The following ANKMY2 variants were observed in gnomAD, a reference collection of about 807,000 sequenced individuals.
ANKMY2 encodes ankyrin repeat and MYND domain-containing protein 2.
ANKMY2 carries 36 observed loss-of-function variants against 50.4 expected under a neutral mutation model. That is an observed-to-expected ratio of 0.71 (90% CI 0.55 to 0.94). ANKMY2 has a LOEUF of 0.94. Among genes scored for constraint, ANKMY2 ranks in the 40% least tolerant of loss-of-function variants. ANKMY2 has a pLI of 0.00. For missense variants in ANKMY2, 565 were observed against 524.0 expected (o/e 1.08, Z -0.76); for synonymous variants, 187 against 178.8 (o/e 1.05, Z -0.36).
At position 16,604,826 on chromosome 7, in the gene ANKMY2, G is replaced by A. The variant is rs778869600; in HGVS notation, c.906C>T (p.Ser302=). Residue 302 remains serine, a synonymous_variant, in exon 8 of 10, where the codon TCC becomes TCT. Transcript: ENST00000306999. ...VEIGSDPTAF[S]VLTQAITGQV... ...GGCCAGTGATGGCTTGGGTAAGGAC[G>A]GAGAATGCAGTGGGATCAGAACCCT... 75 of 1,613,338 alleles carry A rather than the reference G, an allele frequency of 4.6e-5. 1 individual carries two copies. The Middle Eastern group carries it at 1.3e-3, about 28-fold the overall frequency.
chr7:16,622,750 G>A (rs71530641), intron 4 of ANKMY2, among the ~76,000 whole-genome samples: 42 of 133,614 alleles, frequency 3.1e-4, no homozygotes, highest in African/African-American at 8.8e-4. Context: ...AAAAATAAAT[G>A]AATAAATAAA....
At position 16,604,078 on chromosome 7, in the gene ANKMY2, A is replaced by T. The variant is rs1486300640; in HGVS notation, c.1011+643T>A. Among the ~76,000 whole-genome samples the T allele has an allele frequency of 2.0e-5, 3 of 152,252 alleles. No individual in the cohort carries two copies. In the East Asian group the frequency reaches 5.8e-4, roughly 29 times the overall value. On this transcript the variant is annotated intron_variant, in intron 8 of 9. Coordinates refer to ENST00000306999, the MANE Select transcript of ANKMY2 (RefSeq NM_020319.3). ...CTGAAGAAGTAGGTCACAGCAGATT[A>T]TAATGGGTTTCATACAACATGCTGG... is the stretch of plus-strand genomic sequence containing the variant.
chr7:16,636,728 G>T (rs1423930895), intron 1 of ANKMY2, among the ~76,000 whole-genome samples: 1 of 151,938 alleles, frequency 6.6e-6, no homozygotes, highest in African/African-American at 2.4e-5. Context: ...CCTTTTGGCG[G>T]TAATACAATA....
At chr7:16,605,729 C>T (rs1296135562) in intron 7 of ANKMY2, among the ~76,000 whole-genome samples, 1 of 135,520 alleles carries the variant, frequency 7.4e-6, no homozygotes, top group Non-Finnish European at 1.5e-5. Flanking sequence ...GTCGCCCAGG[C>T]TAGAGTGCAG....
intron 3 of ANKMY2, 96 bp from the exon 4 acceptor site, chr7:16,625,177 G>A (rs1781492576): frequency 2.3e-6 from 2 of 872,908 alleles, no homozygotes; most frequent in East Asian, 2.6e-5. Flanking sequence ...CCCCCAGTTA[G>A]TTTTAGGTTT....
chr7:16,628,212 C>T (rs936295742), intron 2 of ANKMY2, among the ~76,000 whole-genome samples: 10 of 152,190 alleles, frequency 6.6e-5, no homozygotes, highest in Non-Finnish European at 1.5e-4. Flanking sequence ...CTCTGTAAAA[C>T]ATATAATCCG....
intron 4 of ANKMY2, among the ~76,000 whole-genome samples, chr7:16,622,201 T>A (rs75801990): frequency 6.6e-6 from 1 of 151,812 alleles, no homozygotes; most frequent in Non-Finnish European, 1.5e-5. Flanking sequence ...CTCAAAGCAA[T>A]AACAAAGGGC....
intron 9 of ANKMY2, among the ~76,000 whole-genome samples, chr7:16,602,091 T>A (rs938416332): frequency 6.6e-6 from 1 of 152,184 alleles, no homozygotes. Context: ...TATAAGTTAA[T>A]ACCCATTAAG....
chr7:16,640,099 G>C (rs1301581065), intron 1 of ANKMY2, among the ~76,000 whole-genome samples: 1 of 152,136 alleles, frequency 6.6e-6, no homozygotes, highest in South Asian at 2.1e-4. Context: ...CCAGGAGGAG[G>C]AGGTTGCAGT....
At chr7:16,610,800 G>A (rs1318114711) in intron 5 of ANKMY2, 37 bp from the exon 6 acceptor site, 2 of 1,578,690 alleles carry the variant, frequency 1.3e-6, no homozygotes, top group Non-Finnish European at 8.7e-7. Context: ...TATTAAAGGA[G>A]ACACTTGTTC....
chr7:16,611,608 T>G (rs1049488343), intron 5 of ANKMY2, among the ~76,000 whole-genome samples: 1 of 152,002 alleles, frequency 6.6e-6, no homozygotes, highest in African/African-American at 2.4e-5. Context: ...AGAATAGGGG[T>G]GGGTCCTTGG....
chr7:16,610,814 T>C, intron 5 of ANKMY2, 51 bp from the exon 6 acceptor site: 1 of 1,506,488 alleles, frequency 6.6e-7, no homozygotes, highest in Non-Finnish European at 9.1e-7. Flanking sequence ...CTTGTTCATG[T>C]ACAAATTAGG....
chr7:16,632,481 T>G (rs1315622945), intron 2 of ANKMY2, among the ~76,000 whole-genome samples: 1 of 152,230 alleles, frequency 6.6e-6, no homozygotes, highest in African/African-American at 2.4e-5. Flanking sequence ...ATTTTTGGTA[T>G]TTTGTATAAA....
At chr7:16,613,585 A>G (rs986716029) in intron 5 of ANKMY2, among the ~76,000 whole-genome samples, 45 of 152,172 alleles carry the variant, frequency 3.0e-4, no homozygotes, top group African/African-American at 1.0e-3. Context: ...CAGACTATAT[A>G]CCTTTACAAA....
Position 16,633,871 on chromosome 7 carries a change from ATT to A in ANKMY2, c.132+2518_132+2519del, listed in dbSNP as rs534575318. 7.8e-3 allele frequency among the ~76,000 whole-genome samples: 1,189 copies of A among 152,062 alleles called. 9 individuals are homozygous for A. Among genetic ancestry groups the A allele is most frequent in the African/African-American group, 0.027 (1,138 of 41,498 alleles). On this transcript the variant is annotated intron_variant, in intron 2 of 9. Coordinates refer to ENST00000306999, the MANE Select transcript of ANKMY2 (RefSeq NM_020319.3). ...ACAGATTTCTCCTTTGAGCACCATC[ATT>A]TTTTTCTTTATGAACCTCAATGCCT...
intron 4 of ANKMY2, 150 bp from the exon 5 acceptor site, chr7:16,616,054 G>C (rs569403803): frequency 5.5e-6 from 4 of 724,696 alleles, no homozygotes; most frequent in South Asian, 4.3e-5. Context: ...GAGGAGGAGA[G>C]ATAAAATATT....
intron 1 of ANKMY2, among the ~76,000 whole-genome samples, chr7:16,645,158 C>A (rs990190828): frequency 6.6e-6 from 1 of 152,088 alleles, no homozygotes; most frequent in Non-Finnish European, 1.5e-5. Context: ...CAGGACTGAC[C>A]GCGGTCAAAA....
At chr7:16,615,610 G>T in intron 5 of ANKMY2, 134 bp downstream of exon 5, 1 of 1,072,358 alleles carries the variant, frequency 9.3e-7, no homozygotes, top group Non-Finnish European at 1.3e-6. Context: ...TAAATTAACA[G>T]GCCAAAAGAG....
intron 4 of ANKMY2, 132 bp from the exon 5 acceptor site, chr7:16,616,036 T>G (rs1265534122): frequency 4.9e-6 from 4 of 822,368 alleles, no homozygotes; most frequent in Non-Finnish European, 7.4e-6. Context: ...GAAAGGAGAG[T>G]AGAGGAGGAG....
Sources: allele counts gnomAD v4.1 joint callset (sites outside exome capture counted in the v4.1 genomes callset), GRCh38; gene constraint gnomAD v4.1.1; transcripts MANE v1.5; gene names NCBI Gene and HGNC (gene_info 2026-07-23, HGNC 2026-07-21).